Variants in SLC43A3 observed in about 807,000 individuals in gnomAD.
SLC43A3 encodes the protein equilibrative nucleobase transporter 1.
SLC43A3 carries 33 observed loss-of-function variants against 53.3 expected under a neutral mutation model. That is an observed-to-expected ratio of 0.62 (90% CI 0.47 to 0.83). SLC43A3 has a LOEUF of 0.83. SLC43A3 is among the 40% of genes least tolerant of loss of function. SLC43A3 has a pLI of 0.00. For missense variants in SLC43A3, 530 were observed against 610.0 expected, an observed-to-expected ratio of 0.87 and a Z score of 1.38; for synonymous variants, 236 against 246.2, an observed-to-expected ratio of 0.96 and a Z score of 0.39.
At chr11:57,414,243 C>T (rs938559154) in intron 11 of SLC43A3, among the ~76,000 whole-genome samples, 1 of 152,186 alleles carries the variant, frequency 6.6e-6, no homozygotes, top group Non-Finnish European at 1.5e-5. Flanking sequence ...AGGCATGGTG[C>T]TTCACGCCTG....
At chr11:57,410,147 G>C (rs762873075) in intron 11 of SLC43A3, 26 bp from the exon 12 acceptor site, 2 of 1,549,060 alleles carry the variant, frequency 1.3e-6, no homozygotes, top group Non-Finnish European at 8.7e-7. Context: ...GGAAAAAGAA[G>C]CTCTCTGTAG....
chr11:57,416,255 T>C (rs1041874657), intron 9 of SLC43A3, among the ~76,000 whole-genome samples: 1 of 152,098 alleles, frequency 6.6e-6, no homozygotes, highest in Non-Finnish European at 1.5e-5. Flanking sequence ...ATGGGGGCAC[T>C]GTACCAGACT....
chr11:57,424,577 C>T (rs1943124969), intron 4 of SLC43A3, among the ~76,000 whole-genome samples: 1 of 151,738 alleles, frequency 6.6e-6, no homozygotes. Flanking sequence ...GGTTATCAGG[C>T]TCCCTTAGCA....
intron 6 of SLC43A3, 31 bp from the exon 7 acceptor site, chr11:57,421,095 T>G (rs1368549319): frequency 6.6e-7 from 1 of 1,509,464 alleles, no homozygotes; most frequent in African/African-American, 1.4e-5. Context: ...CTGGATCACT[T>G]ATTTATTCAT....
At chr11:57,416,531 G>A in intron 9 of SLC43A3, 42 bp downstream of exon 9, 1 of 1,511,268 alleles carries the variant, frequency 6.6e-7, no homozygotes, top group Non-Finnish European at 9.2e-7. Flanking sequence ...ACAAGGAGAG[G>A]CTTGGGTCTG....
chr11:57,411,077 C>T (rs1296016312), intron 11 of SLC43A3, among the ~76,000 whole-genome samples: 1 of 151,952 alleles, frequency 6.6e-6, no homozygotes, highest in Non-Finnish European at 1.5e-5. Context: ...TATACACCTA[C>T]ACAATGTTTA....
chr11:57,421,914 G>A (rs1943003002), intron 5 of SLC43A3, among the ~76,000 whole-genome samples: 1 of 152,218 alleles, frequency 6.6e-6, no homozygotes, highest in African/African-American at 2.4e-5. Flanking sequence ...CACTTCTTTG[G>A]TGCCAGGCAT....
At chr11:57,416,499 G>T in intron 9 of SLC43A3, 74 bp downstream of exon 9, 1 of 1,175,340 alleles carries the variant, frequency 8.5e-7, no homozygotes, top group Non-Finnish European at 1.3e-6. Context: ...GGGAGCTCTG[G>T]AGGTGAGGGG....
intron 11 of SLC43A3, among the ~76,000 whole-genome samples, chr11:57,414,119 C>T (rs1269829354): frequency 1.3e-5 from 2 of 152,208 alleles, no homozygotes; most frequent in African/African-American, 4.8e-5. Context: ...TCTTGTCTGT[C>T]ATTGAATCCC....
chr11:57,425,826 G>C, intron 3 of SLC43A3, 156 bp from the exon 4 acceptor site: 2 of 1,383,682 alleles, frequency 1.4e-6, no homozygotes, highest in Non-Finnish European at 2.0e-6. Flanking sequence ...TCAGGAGCTG[G>C]TGCCTCCCTC....
At chr11:57,425,437 G>C in intron 4 of SLC43A3, 104 bp downstream of exon 4, 3 of 1,236,726 alleles carry the variant, frequency 2.4e-6, no homozygotes, top group Non-Finnish European at 3.5e-6. Flanking sequence ...GTGGTGCCTG[G>C]CAGGGTGGCC....
intron 5 of SLC43A3, chr11:57,423,668 G>GATC: frequency 4.3e-6 from 1 of 231,648 alleles, no homozygotes. Context: ...GACCTCAGAT[G>GATC]ATCCACCCGC....
rs1368839683 is a variant in SLC43A3 at position 57,407,789 on chromosome 11, G to A, written c.*3C>T. 2 of 1,587,816 alleles carry A rather than the reference G, an allele frequency of 1.3e-6. No individual in the cohort carries two copies. Among genetic ancestry groups the A allele is most frequent in the East Asian group, 2.2e-5 (1 of 44,730 alleles). ...TCGGGGCTGAAAAGTGAGGGCTTCT[G>A]AACTATGCAATTGCAGAGGGACTTT... On this transcript the variant is annotated 3_prime_UTR_variant, in exon 14 of 14. Transcript: ENST00000395124.
At chr11:57,410,212 GCCACTATCCAT>G in intron 11 of SLC43A3, 91 bp from the exon 12 acceptor site, 2 of 1,045,772 alleles carry the variant, frequency 1.9e-6, no homozygotes, top group Non-Finnish European at 2.7e-6. Flanking sequence ...AAGGGGAGGA[GCCACTATCCAT>G]CCACTGTCCC....
chr11:57,418,424 T>C (rs183712467), intron 7 of SLC43A3, among the ~76,000 whole-genome samples: 1 of 152,042 alleles, frequency 6.6e-6, no homozygotes, highest in Admixed American at 6.6e-5. Flanking sequence ...CCAAGCTCAG[T>C]GGTTCCTGCC....
At chr11:57,424,476 C>T (rs538604690) in intron 4 of SLC43A3, among the ~76,000 whole-genome samples, 1 of 152,306 alleles carries the variant, frequency 6.6e-6, no homozygotes, top group Admixed American at 6.5e-5. Context: ...AAGGCGCTGT[C>T]CTTCTCTGGG....
Position 57,407,623 on chromosome 11 carries a change from G to A in SLC43A3, c.*169C>T. ...TGATATCAATCTGCTTGGCAACTGA[G>A]ATTCTTTTCTTGCTGCGCAGACGTC... is the stretch of plus-strand genomic sequence containing the variant. On this transcript the variant is annotated 3_prime_UTR_variant, in exon 14 of 14. Transcript: ENST00000395124. 1.8e-6 allele frequency: 1 copy of A among 568,828 alleles called. No individual in the cohort carries two copies. The highest frequency in any genetic ancestry group is 3.2e-6 in the Non-Finnish European group (1 of 316,944). 35.2% of individuals were successfully genotyped at this position (568,828 alleles called of 1,614,324 possible). A position where few individuals can be genotyped will look rare whatever the true frequency, so the allele number is the denominator to read the frequency against.
chr11:57,416,486 TGGGG>T, intron 9 of SLC43A3, 83 bp downstream of exon 9: 1 of 1,005,034 alleles, frequency 9.9e-7, no homozygotes, highest in Non-Finnish European at 1.6e-6. Flanking sequence ...TCTGGGTCCC[TGGGG>T]GAGCTCTGGA....
intron 5 of SLC43A3, among the ~76,000 whole-genome samples, chr11:57,422,984 T>C (rs187899969): frequency 1.1e-4 from 16 of 152,334 alleles, no homozygotes; most frequent in African/African-American, 3.6e-4. Context: ...AGTAATGTAC[T>C]TTCTTTCCTA....
Sources: gnomAD v4.1 joint callset for allele counts (sites outside exome capture counted in the v4.1 genomes callset) on GRCh38, gnomAD v4.1.1 for gene constraint, MANE v1.5 for transcripts, NCBI Gene and HGNC (gene_info 2026-07-23, HGNC 2026-07-21) for gene names.